Variants in GRM7 observed in about 807,000 individuals in gnomAD.
GRM7 encodes the protein glutamate metabotropic receptor 7, also known as metabotropic glutamate receptor 7.
A neutral mutation model predicts 84.5 loss-of-function variants in GRM7; 35 were observed. The ratio of observed to expected loss-of-function variants is 0.41; its 90% CI spans 0.32 to 0.55. The LOEUF is 0.55. Ranked by LOEUF, GRM7 falls within the 20% of genes least tolerant of loss-of-function variation. The pLI is 0.19. For synonymous variants in GRM7, 487 were observed against 455.1 expected, an observed-to-expected ratio of 1.07 and a Z score of -0.89; for missense variants, 1,003 against 1,194.6, an observed-to-expected ratio of 0.84 and a Z score of 2.36.
intron 1 of GRM7, among the ~76,000 whole-genome samples, chr3:7,026,171 A>G (rs1695975071): frequency 6.6e-6 from 1 of 152,170 alleles, no homozygotes; most frequent in African/African-American, 2.4e-5. Flanking sequence ...TTTTGGAACC[A>G]TGACTCATGC....
intron 2 of GRM7, among the ~76,000 whole-genome samples, chr3:7,237,582 G>C (rs1697391036): frequency 6.6e-6 from 1 of 152,118 alleles, no homozygotes; most frequent in Non-Finnish European, 1.5e-5. Flanking sequence ...TCTTCCTTCT[G>C]GTGGGTTCGT....
At chr3:7,423,696 A>G (rs1054611480) in intron 5 of GRM7, among the ~76,000 whole-genome samples, 6 of 113,588 alleles carry the variant, frequency 5.3e-5, no homozygotes, top group Admixed American at 2.5e-4. Context: ...TTAGGTTTTT[A>G]TGGGATGTAT....
intron 1 of GRM7, among the ~76,000 whole-genome samples, chr3:6,876,748 C>T (rs977058944): frequency 6.6e-6 from 1 of 151,844 alleles, no homozygotes; most frequent in African/African-American, 2.4e-5. Context: ...ATTATAGGCA[C>T]CCGTCACCAC....
intron 8 of GRM7, among the ~76,000 whole-genome samples, chr3:7,660,921 TAAAC>T (rs774766941): frequency 6.6e-6 from 1 of 152,112 alleles, no homozygotes; most frequent in Admixed American, 6.5e-5. Context: ...ATATCCAAAA[TAAAC>T]AAACATGCAC....
chr3:7,551,175 A>G (rs1693453036), intron 7 of GRM7, among the ~76,000 whole-genome samples: 1 of 152,208 alleles, frequency 6.6e-6, no homozygotes, highest in Non-Finnish European at 1.5e-5. Context: ...TGGAAAATAG[A>G]GGCAAGTTTC....
intron 2 of GRM7, among the ~76,000 whole-genome samples, chr3:7,152,162 C>T (rs1449057799): frequency 6.6e-6 from 1 of 152,088 alleles, no homozygotes; most frequent in East Asian, 1.9e-4. Context: ...TTTTGGGATC[C>T]TCAGTGATTA....
intron 1 of GRM7, among the ~76,000 whole-genome samples, chr3:7,105,147 C>T (rs1017969768): frequency 6.6e-6 from 1 of 151,686 alleles, no homozygotes; most frequent in South Asian, 2.1e-4. Flanking sequence ...ATATTCTTGA[C>T]TTCATTCCTA....
At chr3:7,425,950 ATTCT>A (rs1366431818) in intron 5 of GRM7, among the ~76,000 whole-genome samples, 2 of 152,034 alleles carry the variant, frequency 1.3e-5, no homozygotes, top group African/African-American at 4.8e-5. Flanking sequence ...ATATCAATAG[ATTCT>A]TTCTTTCCTT....
At chr3:7,239,787 C>T (rs1201933190) in intron 2 of GRM7, among the ~76,000 whole-genome samples, 1 of 152,150 alleles carries the variant, frequency 6.6e-6, no homozygotes. Context: ...GAGTTAAGGC[C>T]TTGTGCTCCT....
At chr3:7,050,050 C>A (rs185775770) in intron 1 of GRM7, among the ~76,000 whole-genome samples, 2 of 151,760 alleles carry the variant, frequency 1.3e-5, no homozygotes, top group Non-Finnish European at 2.9e-5. Context: ...AAATATCACT[C>A]CTGTTGCTGG....
chr3:7,321,931 C>T (rs1700798812), intron 4 of GRM7, among the ~76,000 whole-genome samples: 1 of 152,056 alleles, frequency 6.6e-6, no homozygotes, highest in Admixed American at 6.6e-5. Flanking sequence ...TTACACCTGG[C>T]CTCCATATGT....
intron 1 of GRM7, among the ~76,000 whole-genome samples, chr3:7,019,205 G>A (rs7636104): frequency 8.5e-5 from 13 of 152,082 alleles, no homozygotes; most frequent in African/African-American, 2.7e-4. Flanking sequence ...TGAGAGCAAT[G>A]TAGTTTCTCA....
intron 7 of GRM7, among the ~76,000 whole-genome samples, chr3:7,551,489 A>C (rs1440622562): frequency 6.6e-6 from 1 of 152,120 alleles, no homozygotes; most frequent in Non-Finnish European, 1.5e-5. Context: ...TCCAACATTC[A>C]TGAGACTGTG....
chr3:7,737,124 A>T (rs1237845254), intron 9 of GRM7, among the ~76,000 whole-genome samples: 6 of 152,200 alleles, frequency 3.9e-5, no homozygotes, highest in Non-Finnish European at 8.8e-5. Flanking sequence ...AAGCTCAGAG[A>T]AAAGCAAAGA....
chr3:6,875,481 C>T (rs1695270039), intron 1 of GRM7, among the ~76,000 whole-genome samples: 1 of 152,074 alleles, frequency 6.6e-6, no homozygotes, highest in South Asian at 2.1e-4. Context: ...GCTCTCTTGC[C>T]TGCTGTCATG....
chr3:7,399,007 A>T (rs114130209), intron 4 of GRM7, among the ~76,000 whole-genome samples: 1,561 of 151,846 alleles, frequency 0.01, 22 homozygotes, highest in African/African-American at 0.034. Context: ...TTCTTTCTTT[A>T]TATATTTTCT....
chr3:7,416,299 T>A (rs1055018506), intron 5 of GRM7, among the ~76,000 whole-genome samples: 2 of 152,140 alleles, frequency 1.3e-5, no homozygotes, highest in Admixed American at 6.6e-5. Context: ...TACCATCTTA[T>A]CAACTAGACC....
At chr3:7,709,219 A>T (rs1270363947) in intron 9 of GRM7, among the ~76,000 whole-genome samples, 1 of 152,220 alleles carries the variant, frequency 6.6e-6, no homozygotes, top group East Asian at 1.9e-4. Flanking sequence ...AAAATTAAAC[A>T]ATGTATAAAC....
chr3:7,723,634 AG>A (rs1702026670), intron 9 of GRM7, among the ~76,000 whole-genome samples: 1 of 152,152 alleles, frequency 6.6e-6, no homozygotes, highest in Non-Finnish European at 1.5e-5. Flanking sequence ...GGATGACTTG[AG>A]GCCAAGATTT....
Sources: allele counts gnomAD v4.1 joint callset (sites outside exome capture counted in the v4.1 genomes callset), GRCh38; gene constraint gnomAD v4.1.1; transcripts MANE v1.5; gene names NCBI Gene and HGNC (gene_info 2026-07-23, HGNC 2026-07-21).